LRMDA: variants seen among roughly 807,000 people sequenced by gnomAD.
LRMDA encodes the protein leucine rich melanocyte differentiation associated, also known as leucine-rich melanocyte differentiation-associated protein.
LRMDA carries 18 observed loss-of-function variants against 29.8 expected under a neutral mutation model. The observed-to-expected ratio is 0.60, with a 90% CI of 0.42 to 0.90. The LOEUF is 0.90. Among genes scored for constraint, LRMDA ranks in the 40% least tolerant of loss-of-function variants. The pLI is 0.00. For synonymous variants in LRMDA, 125 were observed against 109.4 expected (o/e 1.14, Z -0.89); for missense variants, 273 against 273.9 (o/e 1.00, Z 0.02).
chr10:76,491,600 C>G (rs957392790), intron 6 of LRMDA, among the ~76,000 whole-genome samples: 2 of 151,822 alleles, frequency 1.3e-5, no homozygotes, highest in Non-Finnish European at 2.9e-5. Context: ...CTTTTAGGAT[C>G]CTTTCTTTAT....
chr10:75,784,136 TA>T (rs1251211318), intron 2 of LRMDA, among the ~76,000 whole-genome samples: 2 of 152,150 alleles, frequency 1.3e-5, no homozygotes, highest in African/African-American at 2.4e-5. Flanking sequence ...CAATGCAATA[TA>T]GTGTTGGGAT....
intron 2 of LRMDA, among the ~76,000 whole-genome samples, chr10:75,946,934 A>G (rs2038658): frequency 0.29 from 44,508 of 152,026 alleles, 8,644 homozygotes; most frequent in Non-Finnish European, 0.43. Context: ...TTCACGTCAC[A>G]TAGGAGGAAC....
chr10:76,299,156 C>CGTGTGTGTGTGTGT lies in LRMDA; in HGVS notation c.517-25225_517-25212dup, dbSNP rs111635114. Among the ~76,000 whole-genome samples, 128 of 147,316 alleles carry CGTGTGTGTGTGTGT rather than the reference C, an allele frequency of 8.7e-4. 2 individuals are homozygous for CGTGTGTGTGTGTGT. Among genetic ancestry groups the CGTGTGTGTGTGTGT allele is most frequent in the South Asian group, 2.0e-3 (9 of 4,452 alleles). On this transcript the variant is annotated intron_variant, in intron 5 of 6. Coordinates refer to ENST00000611255, the MANE Select transcript of LRMDA (RefSeq NM_001305581.2). The stretch of plus-strand genomic sequence containing the variant: ...GGAACATCTGCTGTTAGAGAAGAGC[C>CGTGTGTGTGTGTGT]GTGTGTGTGTGTGTGTGTGTGTGTG...
At position 76,541,917 on chromosome 10, in the gene LRMDA, A is replaced by G. The variant is rs183803789; in HGVS notation, c.602-15292A>G. ...CTGTAAATGCTCAATTCCTAAGGAT[A>G]GTGTTTCAGGGCAAGTTGAGTGTAA... On this transcript the variant is annotated intron_variant, in intron 6 of 6. Transcript: ENST00000611255. Among the ~76,000 whole-genome samples the G allele has an allele frequency of 8.1e-4, 124 of 152,276 alleles. 1 individual carries two copies. Among genetic ancestry groups the G allele is most frequent in the African/African-American group, 2.9e-3 (120 of 41,556 alleles).
chr10:75,457,652 T>C (rs755945822), intron 2 of LRMDA, among the ~76,000 whole-genome samples: 5 of 152,216 alleles, frequency 3.3e-5, no homozygotes, highest in Non-Finnish European at 5.9e-5. Context: ...GGTTAAGTTT[T>C]ATTGTCCTGT....
At chr10:76,058,896 A>T (rs1052412788) in intron 5 of LRMDA, 113 bp downstream of exon 5, 1 of 812,616 alleles carries the variant, frequency 1.2e-6, no homozygotes. Flanking sequence ...GGAATCTCAC[A>T]TGAAGGGTCC....
intron 2 of LRMDA, among the ~76,000 whole-genome samples, chr10:75,968,988 A>G (rs1564619262): frequency 7.6e-6 from 1 of 130,876 alleles, no homozygotes; most frequent in African/African-American, 2.5e-5. Flanking sequence ...CCATTAAACA[A>G]TTAAAAAAAA....
intron 6 of LRMDA, among the ~76,000 whole-genome samples, chr10:76,498,787 A>G (rs1374771553): frequency 1.3e-5 from 1 of 76,190 alleles, no homozygotes; most frequent in Non-Finnish European, 4.4e-5. Context: ...GTTTTCTAGC[A>G]TCTTCATCGG....
At chr10:75,960,874 C>T (rs763104303) in intron 2 of LRMDA, among the ~76,000 whole-genome samples, 130 of 152,214 alleles carry the variant, frequency 8.5e-4, no homozygotes, top group Non-Finnish European at 1.4e-3. Context: ...CTCAGCCTCC[C>T]GAAGTGCTGG....
intron 2 of LRMDA, among the ~76,000 whole-genome samples, chr10:75,857,372 A>C (rs1173525435): frequency 6.6e-6 from 1 of 152,188 alleles, no homozygotes; most frequent in African/African-American, 2.4e-5. Context: ...GAGAAAAATC[A>C]TCCTCTCACC....
chr10:76,022,872 C>G (rs1847997906), intron 2 of LRMDA, among the ~76,000 whole-genome samples: 1 of 152,198 alleles, frequency 6.6e-6, no homozygotes, highest in Admixed American at 6.5e-5. Context: ...GTATCTCAAG[C>G]ATCTCTGTCT....
At chr10:75,513,398 C>T (rs571212738) in intron 2 of LRMDA, among the ~76,000 whole-genome samples, 6 of 152,284 alleles carry the variant, frequency 3.9e-5, no homozygotes, top group South Asian at 2.1e-4. Flanking sequence ...GAGAACATAT[C>T]GCTTCTCAGT....
intron 5 of LRMDA, among the ~76,000 whole-genome samples, chr10:76,244,849 C>T (rs1852345793): frequency 6.6e-6 from 1 of 152,166 alleles, no homozygotes; most frequent in Non-Finnish European, 1.5e-5. Flanking sequence ...TAAATGTTTT[C>T]AGAACCATGT....
In LRMDA at chr10:76,509,201, G is replaced by A. The variant is rs1842986124; in HGVS notation, c.602-48008G>A. ...GGTACATGCATATTTCCTGGTAAGA[G>A]CTCATATTTCCTGGCAATAATTTCT... On this transcript the variant is annotated intron_variant, in intron 6 of 6. Transcript: ENST00000611255. Among the ~76,000 whole-genome samples, 3 of 152,138 alleles carry A rather than the reference G, an allele frequency of 2.0e-5. No homozygotes were observed. In the South Asian group the frequency reaches 6.2e-4, roughly 32 times the overall value.
chr10:76,450,166 A>G (rs1392559575), intron 6 of LRMDA, among the ~76,000 whole-genome samples: 1 of 152,124 alleles, frequency 6.6e-6, no homozygotes, highest in African/African-American at 2.4e-5. Flanking sequence ...TTTTAAGCTT[A>G]GTAAAATGTC....
chr10:75,682,011 A>C (rs1842028909), intron 2 of LRMDA, among the ~76,000 whole-genome samples: 1 of 152,198 alleles, frequency 6.6e-6, no homozygotes, highest in South Asian at 2.1e-4. Flanking sequence ...ACCTTCCTTT[A>C]GGCGGGTCTA....
chr10:76,172,001 G>A (rs1370274246), intron 5 of LRMDA, among the ~76,000 whole-genome samples: 1 of 152,108 alleles, frequency 6.6e-6, no homozygotes, highest in Non-Finnish European at 1.5e-5. Flanking sequence ...ATGATGGAAA[G>A]CAGAAAGGGA....
intron 2 of LRMDA, among the ~76,000 whole-genome samples, chr10:75,439,339 G>A (rs1426624300): frequency 6.6e-6 from 1 of 152,128 alleles, no homozygotes; most frequent in African/African-American, 2.4e-5. Context: ...CCTCTGAGTG[G>A]GACAGACTGT....
intron 2 of LRMDA, among the ~76,000 whole-genome samples, chr10:75,593,104 G>A (rs1840744145): frequency 6.6e-6 from 1 of 152,130 alleles, no homozygotes; most frequent in African/African-American, 2.4e-5. Context: ...GCGGAAAAGA[G>A]TCAACCTGGG....
Sources: gnomAD v4.1 joint callset for allele counts (sites outside exome capture counted in the v4.1 genomes callset) on GRCh38, gnomAD v4.1.1 for gene constraint, MANE v1.5 for transcripts, NCBI Gene and HGNC (gene_info 2026-07-23, HGNC 2026-07-21) for gene names.